Variants in RANBP17 observed in about 807,000 individuals in gnomAD.
The protein encoded by RANBP17 is ran-binding protein 17.
Under a neutral mutation model 141.2 loss-of-function variants are expected in RANBP17, and 158 were observed. That is an observed-to-expected ratio of 1.12 (90% confidence interval 0.98 to 1.28). The LOEUF is 1.28. RANBP17 is among the 50% of genes most tolerant of loss of function. RANBP17 has a pLI of 0.00. For missense variants in RANBP17, 1,438 were observed against 1,290.7 expected (o/e 1.11, Z -1.75); for synonymous variants, 430 against 450.0 (o/e 0.96, Z 0.56).
At chr5:170,962,073 A>G (rs1014897865) in intron 13 of RANBP17, among the ~76,000 whole-genome samples, 3 of 152,240 alleles carry the variant, frequency 2.0e-5, no homozygotes, top group Admixed American at 6.5e-5. Context: ...AGGCAAGTGT[A>G]ACAACAAGAT....
intron 14 of RANBP17, among the ~76,000 whole-genome samples, chr5:170,990,290 A>T (rs1407153227): frequency 6.6e-6 from 1 of 151,880 alleles, no homozygotes; most frequent in Non-Finnish European, 1.5e-5. Context: ...GTGGCTTACT[A>T]TATTTCTGCT....
chr5:171,218,736 T>C (rs932697498), intron 21 of RANBP17, among the ~76,000 whole-genome samples: 3 of 151,996 alleles, frequency 2.0e-5, no homozygotes, highest in African/African-American at 7.3e-5. Context: ...TTTTTTTTTT[T>C]CCTTTCCATT....
intron 13 of RANBP17, among the ~76,000 whole-genome samples, chr5:170,962,974 G>GA (rs1776260273): frequency 6.6e-6 from 1 of 152,114 alleles, no homozygotes; most frequent in Non-Finnish European, 1.5e-5. Context: ...TAAAGGAGGG[G>GA]AAAGTAGTTA....
At chr5:171,203,229 G>A (rs1281518704) in intron 19 of RANBP17, among the ~76,000 whole-genome samples, 7 of 152,188 alleles carry the variant, frequency 4.6e-5, no homozygotes, top group Non-Finnish European at 1.0e-4. Flanking sequence ...TTTTAAATGA[G>A]ATGGTAAACT....
At chr5:170,915,742 G>A (rs990221450) in intron 8 of RANBP17, among the ~76,000 whole-genome samples, 2 of 151,736 alleles carry the variant, frequency 1.3e-5, no homozygotes, top group African/African-American at 4.8e-5. Context: ...TACATTACAG[G>A]TTCCCCCTGC....
chr5:170,884,061 T>C (rs936453989), intron 3 of RANBP17, among the ~76,000 whole-genome samples: 1 of 152,216 alleles, frequency 6.6e-6, no homozygotes, highest in African/African-American at 2.4e-5. Context: ...CCACTTTGCA[T>C]TCCCACCAGC....
chr5:170,878,279 T>A (rs373661782), intron 2 of RANBP17, 36 bp downstream of exon 2: 21 of 1,542,056 alleles, frequency 1.4e-5, no homozygotes, highest in Non-Finnish European at 1.9e-5. Context: ...CCATGAAAGA[T>A]CAGTAGATGT....
chr5:171,128,655 G>T lies in RANBP17; in HGVS notation c.1711-41475G>T, dbSNP rs139772732. On this transcript the variant is annotated intron_variant, in intron 14 of 27. Transcript: ENST00000523189. The stretch of plus-strand genomic sequence containing the variant: ...ATATTTCAAGATAGCTACAGGAGAG[G>T]ATTTGAAATATTCCCATCACAAAGA... 3.7e-3 allele frequency among the ~76,000 whole-genome samples: 568 copies of T among 152,226 alleles called. 1 individual carries two copies. The highest frequency in any genetic ancestry group is 9.7e-3 in the Admixed American group (148 of 15,294).
intron 14 of RANBP17, among the ~76,000 whole-genome samples, chr5:171,044,910 G>C (rs1438328180): frequency 6.6e-6 from 1 of 151,920 alleles, no homozygotes; most frequent in African/African-American, 2.4e-5. Flanking sequence ...CAAAGAGTTT[G>C]GTTCATTATT....
chr5:171,260,300 CA>C (rs35656692), intron 24 of RANBP17, among the ~76,000 whole-genome samples: 52 of 108,568 alleles, frequency 4.8e-4, no homozygotes, highest in African/African-American at 8.6e-4. Context: ...GACTCCATCT[CA>C]AAAAAAAAAA....
intron 1 of RANBP17, among the ~76,000 whole-genome samples, chr5:170,864,283 A>G (rs992051923): frequency 6.6e-6 from 1 of 152,232 alleles, no homozygotes; most frequent in African/African-American, 2.4e-5. Context: ...TGATGAGTAA[A>G]GAAGCAGATT....
At chr5:171,281,522 T>G (rs1767860137) in intron 25 of RANBP17, among the ~76,000 whole-genome samples, 1 of 152,156 alleles carries the variant, frequency 6.6e-6, no homozygotes, top group Non-Finnish European at 1.5e-5. Context: ...TAATAAATAC[T>G]AAGGCTACAT....
rs1475141953 is a variant in RANBP17 at position 170,953,685 on chromosome 5, T to G, written c.1557T>G (p.Asp519Glu). ...GTACAGATGAGCATGATGCTATGGA[T>G]GGAGAATTATCCTGTCGGTAAGTAA... ...YTSTDEHDAM[D>E]GELSCRVFQL... The change falls in exon 13 of 28, where the codon GAT becomes GAG. Residue 519 changes from aspartate to glutamate, a missense_variant. Asp to Glu is a conservative substitution (Grantham distance 45, BLOSUM62 2). Transcript: ENST00000523189. 3 of 1,601,930 alleles carry G rather than the reference T, an allele frequency of 1.9e-6. No homozygotes were observed. Among genetic ancestry groups the G allele is most frequent in the Non-Finnish European group, 2.6e-6 (3 of 1,169,720 alleles).
intron 14 of RANBP17, among the ~76,000 whole-genome samples, chr5:171,124,823 A>G (rs746510988): frequency 4.3e-4 from 65 of 152,204 alleles, no homozygotes; most frequent in Non-Finnish European, 2.8e-4. Context: ...ATACAAAACA[A>G]TCAGAAACTA....
At chr5:171,018,184 C>G (rs1223467961) in intron 14 of RANBP17, among the ~76,000 whole-genome samples, 2 of 151,860 alleles carry the variant, frequency 1.3e-5, no homozygotes, top group African/African-American at 4.8e-5. Context: ...GAAGTCAGGT[C>G]GTGTGATGCC....
intron 24 of RANBP17, among the ~76,000 whole-genome samples, chr5:171,250,696 G>C (rs1234360336): frequency 1.3e-5 from 2 of 152,112 alleles, no homozygotes; most frequent in South Asian, 2.1e-4. Flanking sequence ...AGCTACCCTT[G>C]TATCAGATAA....
chr5:171,160,826 CTTG>C (rs1019791421), intron 14 of RANBP17, among the ~76,000 whole-genome samples: 2 of 152,072 alleles, frequency 1.3e-5, no homozygotes, highest in Non-Finnish European at 2.9e-5. Context: ...AAGTCTCACT[CTTG>C]TCGCCCAGGC....
Position 171,199,769 on chromosome 5 carries a change from T to G in RANBP17, c.2138T>G (p.Val713Gly). The G allele has an allele frequency of 6.3e-7, 1 of 1,580,652 alleles. No individual in the cohort carries two copies. Among genetic ancestry groups the G allele is most frequent in the Admixed American group, 1.7e-5 (1 of 58,478 alleles). Residue 713 changes from valine (V) to glycine (G), a missense_variant, in exon 19 of 28, where the codon GTA becomes GGA. Transcript: ENST00000523189. Reference sequence around the variant, plus strand: ...AACAACAACTTTAAACAAGAAGATGTAAAGGTGGGTTTGTTTCCAAATATG... The same window carrying G: ...AACAACAACTTTAAACAAGAAGATGGAAAGGTGGGTTTGTTTCCAAATATG... Reference protein sequence around the residue: ...IFNNNFKQEDVKRMLIGLARD... With the variant: ...IFNNNFKQEDGKRMLIGLARD...
At position 170,919,565 on chromosome 5, in the gene RANBP17, C is replaced by G. The variant is rs776091435; in HGVS notation, c.1226C>G (p.Thr409Arg). ...HLLDTYAPEITKAFITSRLDS... is the reference protein window; with the variant it reads ...HLLDTYAPEIRKAFITSRLDS... ...TTAGACACTTATGCACCAGAAATCA[C>G]GAAGGCCTTTATCACTTCTCGGTTG... Residue 409 changes from threonine (T) to arginine (R), a missense_variant, in exon 11 of 28, where the codon ACG (threonine) becomes AGG (arginine). Physicochemically the swap from Thr to Arg is moderately conservative, Grantham distance 71 (BLOSUM62 -1). Transcript: ENST00000523189. 1 of 1,610,636 alleles carries G rather than the reference C, an allele frequency of 6.2e-7. No individual in the cohort carries two copies. The highest frequency in any genetic ancestry group is 8.5e-7 in the Non-Finnish European group (1 of 1,178,642).
Sources: gnomAD v4.1 joint callset for allele counts (sites outside exome capture counted in the v4.1 genomes callset) on GRCh38, gnomAD v4.1.1 for gene constraint, MANE v1.5 for transcripts, NCBI Gene and HGNC (gene_info 2026-07-23, HGNC 2026-07-21) for gene names.